The following DLEU7 variants were observed in gnomAD, a reference collection of about 807,000 sequenced individuals.
DLEU7 encodes leukemia-associated protein 7.
DLEU7 carries 17 observed loss-of-function variants against 16.0 expected under a neutral mutation model. The observed-to-expected ratio is 1.06, with a 90% confidence interval of 0.73 to 1.59. DLEU7 has a LOEUF of 1.59. Ranked by LOEUF, DLEU7 falls within the 40% of genes most tolerant of loss-of-function variation. The pLI, the probability that DLEU7 is intolerant of heterozygous loss-of-function variation, is 0.00. For synonymous variants in DLEU7, 113 were observed against 139.8 expected (o/e 0.81, Z 1.35); for missense variants, 308 against 314.9 (o/e 0.98, Z 0.17).
chr13:50,832,718 C>T lies in DLEU7; in HGVS notation c.460-9198G>A, dbSNP rs567008473. ...TTGGTTTCAAAGAACTTATTTATTT[C>T]TGCCTTAATTTCGTTATTTACCCAG... On this transcript the variant is annotated intron_variant, in intron 1 of 1. Transcript: ENST00000504404. 4.1e-4 allele frequency among the ~76,000 whole-genome samples: 63 copies of T among 152,270 alleles called. 1 individual carries two copies. Among genetic ancestry groups the T allele is most frequent in the African/African-American group, 1.4e-3 (60 of 41,550 alleles).
Position 50,798,741 on chromosome 13 carries a change from G to T in DLEU7, c.459+44447C>A, listed in dbSNP as rs202085335. The stretch of plus-strand genomic sequence containing the variant: ...TAGAAATGATAAGCAGGACAATTCC[G>T]CTGGTCACTCCCTGTATCAGAGTGC... On this transcript the variant is annotated intron_variant, in intron 1 of 1. Coordinates refer to the DLEU7 transcript ENST00000400393. Among the ~76,000 whole-genome samples, 19 of 152,280 alleles carry T rather than the reference G, an allele frequency of 1.2e-4. No individual in the cohort carries two copies. In the East Asian group the frequency reaches 3.7e-3, roughly 29 times the overall value.
At chr13:50,826,070 T>C (rs1226409823) in intron 1 of DLEU7, among the ~76,000 whole-genome samples, 1 of 143,532 alleles carries the variant, frequency 7.0e-6, no homozygotes, top group Non-Finnish European at 1.5e-5. Context: ...CCAGGTGTTC[T>C]CATTGTTCAA....
rs758939721 is a variant in DLEU7 at position 50,843,280 on chromosome 13, G to A, written c.367C>T (p.Arg123Cys). ...AQMAMRSALA[R>C]VVDSTSELVS... ...AGCTCCGAAGTCGAGTCCACCACGC[G>A]GGCCAGCGCGCTGCGCATCGCCATC... The change falls in exon 1 of 2, where the codon CGC becomes TGC. Residue 123 changes from arginine (R) to cysteine (C), a missense_variant. Transcript: ENST00000504404. This position sits in a 1 kb window ranked among gnomAD's most constrained non-coding sequence, Gnocchi z 5.7. 7.6e-6 allele frequency: 12 copies of A among 1,576,372 alleles called. No homozygotes were observed. The highest frequency in any genetic ancestry group is 9.5e-6 in the Non-Finnish European group (11 of 1,161,230).
intron 1 of DLEU7, among the ~76,000 whole-genome samples, chr13:50,796,053 C>T (rs181518836): frequency 1.3e-3 from 186 of 147,186 alleles, no homozygotes; most frequent in Non-Finnish European, 2.1e-3. Context: ...TTTTTCTCAG[C>T]ATACCACCAG....
intron 1 of DLEU7, among the ~76,000 whole-genome samples, chr13:50,720,034 A>G (rs1014462176): frequency 6.6e-6 from 1 of 152,194 alleles, no homozygotes; most frequent in Non-Finnish European, 1.5e-5. Flanking sequence ...AAAAACAAGC[A>G]AATTATAAAA....
chr13:50,787,672 C>T (rs1875824707), intron 1 of DLEU7, among the ~76,000 whole-genome samples: 1 of 152,082 alleles, frequency 6.6e-6, no homozygotes, highest in African/African-American at 2.4e-5. Flanking sequence ...ACCAGACCTA[C>T]TGCCTAAAAC....
intron 1 of DLEU7, among the ~76,000 whole-genome samples, chr13:50,768,581 A>G (rs1317999975): frequency 6.6e-6 from 1 of 152,138 alleles, no homozygotes; most frequent in East Asian, 1.9e-4. Flanking sequence ...GATGGTTTCC[A>G]GCTTCAGCCA....
intron 1 of DLEU7, among the ~76,000 whole-genome samples, chr13:50,723,949 TG>T (rs1275283763): frequency 6.6e-6 from 1 of 152,110 alleles, no homozygotes; most frequent in Non-Finnish European, 1.5e-5. Context: ...TGGTTATTTC[TG>T]GGTCATAGAA....
At chr13:50,763,049 G>A (rs1054182946) in intron 1 of DLEU7, among the ~76,000 whole-genome samples, 4 of 152,140 alleles carry the variant, frequency 2.6e-5, no homozygotes, top group African/African-American at 9.7e-5. Context: ...CACCAGAGAG[G>A]TGGGAAGGCA....
intron 1 of DLEU7, among the ~76,000 whole-genome samples, chr13:50,839,679 T>C (rs1416272250): frequency 6.6e-6 from 1 of 152,170 alleles, no homozygotes; most frequent in African/African-American, 2.4e-5. Flanking sequence ...TTGTCAATAG[T>C]TCCAGAAAAG....
intron 1 of DLEU7, among the ~76,000 whole-genome samples, chr13:50,816,635 A>G (rs1416813392): frequency 2.0e-5 from 3 of 152,090 alleles, no homozygotes. Context: ...AACTCAGAGG[A>G]CTGAATGAGG....
rs1873758705 is a variant in DLEU7, at chr13:50,726,265, C to G, written c.460-13025G>C. Among the ~76,000 whole-genome samples, 1 of 152,142 alleles carries G rather than the reference C, an allele frequency of 6.6e-6. No homozygotes were observed. Among genetic ancestry groups the G allele is most frequent in the Non-Finnish European group, 1.5e-5 (1 of 68,008 alleles). The stretch of plus-strand genomic sequence containing the variant: ...CACTTTGTTGATTTGCCTCCTTTGA[C>G]CATCCCCAGGGCAACATGCCCATTC... On this transcript the variant is annotated intron_variant, in intron 1 of 1. Coordinates refer to the DLEU7 transcript ENST00000400393. This position sits in a 1 kb window ranked among gnomAD's most constrained non-coding sequence, Gnocchi z 4.0.
At chr13:50,784,713 A>G (rs1430417501) in intron 1 of DLEU7, among the ~76,000 whole-genome samples, 1 of 152,186 alleles carries the variant, frequency 6.6e-6, no homozygotes. Flanking sequence ...ACCTTAGACA[A>G]GCTGCTCGGA....
intron 1 of DLEU7, among the ~76,000 whole-genome samples, chr13:50,727,618 G>T (rs777757903): frequency 1.3e-5 from 2 of 152,086 alleles, no homozygotes; most frequent in Non-Finnish European, 2.9e-5. Context: ...TAAGGCCTGG[G>T]CTCCCTGTGA....
downstream of DLEU7, chr13:50,711,731 A>G (rs1873288720): frequency 6.8e-6 from 1 of 146,670 alleles, no homozygotes; most frequent in Non-Finnish European, 1.5e-5. Flanking sequence ...CCAGGCATTT[A>G]ACAAGTATTA....
At chr13:50,784,490 C>T (rs529693441) in intron 1 of DLEU7, among the ~76,000 whole-genome samples, 5 of 152,320 alleles carry the variant, frequency 3.3e-5, no homozygotes, top group Non-Finnish European at 4.4e-5. Flanking sequence ...TGGGAATTTT[C>T]GATCACATTA....
intron 1 of DLEU7, among the ~76,000 whole-genome samples, chr13:50,782,180 C>T (rs933455156): frequency 1.3e-5 from 2 of 152,194 alleles, no homozygotes; most frequent in African/African-American, 4.8e-5. Context: ...ACCTCCCTCA[C>T]AAAGGGTCTG....
intron 1 of DLEU7, among the ~76,000 whole-genome samples, chr13:50,739,931 T>A (rs984713932): frequency 2.0e-5 from 3 of 152,094 alleles, no homozygotes; most frequent in African/African-American, 7.2e-5. Flanking sequence ...ATTTTTTTTT[T>A]ATTAAATCAG....
intron 1 of DLEU7, among the ~76,000 whole-genome samples, chr13:50,725,538 G>C (rs1873741279): frequency 6.6e-6 from 1 of 152,152 alleles, no homozygotes; most frequent in Non-Finnish European, 1.5e-5. Flanking sequence ...AGCTATCTAT[G>C]AGATTACAAA....
Sources: allele counts gnomAD v4.1 joint callset (sites outside exome capture counted in the v4.1 genomes callset), GRCh38; gene constraint gnomAD v4.1.1; non-coding constraint Gnocchi (gnomAD v3.1); transcripts MANE v1.5; gene names NCBI Gene and HGNC (gene_info 2026-07-23, HGNC 2026-07-21).